Variants in CDKAL1 observed in about 807,000 individuals in gnomAD.
The protein encoded by CDKAL1 is threonylcarbamoyladenosine tRNA methylthiotransferase.
In CDKAL1, 32 loss-of-function variants were observed where a neutral mutation model predicts 68.2. The ratio of observed to expected loss-of-function variants is 0.47; its 90% CI spans 0.35 to 0.63. The LOEUF is 0.63. Among genes scored for constraint, CDKAL1 ranks in the 30% least tolerant of loss-of-function variants. The probability of loss-of-function intolerance (pLI) is 0.00; values close to 1 mark genes in which losing one functional copy is unlikely to be tolerated. For missense variants in CDKAL1, 606 were observed against 696.7 expected (o/e 0.87, Z 1.47); for synonymous variants, 234 against 244.3 (o/e 0.96, Z 0.39).
chr6:20,834,842 G>A (rs1777862998), intron 8 of CDKAL1, among the ~76,000 whole-genome samples: 2 of 152,124 alleles, frequency 1.3e-5, no homozygotes, highest in Non-Finnish European at 1.5e-5. Flanking sequence ...AGGACAGGAA[G>A]CAAAATAGAA....
intron 8 of CDKAL1, among the ~76,000 whole-genome samples, chr6:20,809,833 T>G (rs545376341): frequency 2.0e-5 from 3 of 152,346 alleles, no homozygotes; most frequent in Admixed American, 2.0e-4. Flanking sequence ...CTTAGCTGGT[T>G]TTTGTCTCTT....
intron 12 of CDKAL1, among the ~76,000 whole-genome samples, chr6:21,093,509 G>A (rs1056389547): frequency 6.6e-6 from 1 of 152,132 alleles, no homozygotes; most frequent in Non-Finnish European, 1.5e-5. Flanking sequence ...ATGTATCAGA[G>A]CTGGAGAATA....
intron 11 of CDKAL1, among the ~76,000 whole-genome samples, chr6:21,015,787 C>T (rs994128932): frequency 7.2e-5 from 11 of 151,780 alleles, no homozygotes; most frequent in Admixed American, 2.6e-4. Flanking sequence ...ATTAGCCAGG[C>T]GTGATGGTGC....
chr6:20,681,794 T>TCC (rs893716058), intron 5 of CDKAL1, among the ~76,000 whole-genome samples: 4 of 152,162 alleles, frequency 2.6e-5, no homozygotes, highest in Non-Finnish European at 4.4e-5. Context: ...CGATACTGCC[T>TCC]CCTTTCCCAT....
chr6:21,098,782 C>T (rs941469628), intron 12 of CDKAL1, among the ~76,000 whole-genome samples: 1 of 152,000 alleles, frequency 6.6e-6, no homozygotes, highest in African/African-American at 2.4e-5. Flanking sequence ...GAATTTAATA[C>T]ATGGAGATGG....
intron 8 of CDKAL1, among the ~76,000 whole-genome samples, chr6:20,840,261 T>C (rs980181608): frequency 1.3e-5 from 2 of 152,218 alleles, no homozygotes; most frequent in African/African-American, 2.4e-5. Context: ...AGCTGTCTTT[T>C]ACTATCACTG....
chr6:21,195,477 T>TTTTTA (rs1554194774), intron 13 of CDKAL1, among the ~76,000 whole-genome samples: 3 of 118,584 alleles, frequency 2.5e-5, no homozygotes, highest in East Asian at 2.4e-4. Context: ...GAGATGTTTT[T>TTTTTA]TTTATTTATT....
At chr6:20,702,103 G>A (rs367724260) in intron 5 of CDKAL1, among the ~76,000 whole-genome samples, 9 of 152,268 alleles carry the variant, frequency 5.9e-5, no homozygotes, top group Middle Eastern at 6.8e-3. Context: ...GCTGTTTGGT[G>A]TTTAAACTCT....
intron 13 of CDKAL1, among the ~76,000 whole-genome samples, chr6:21,187,613 C>T (rs926160245): frequency 6.6e-6 from 1 of 152,096 alleles, no homozygotes; most frequent in Non-Finnish European, 1.5e-5. Context: ...GGTGGTGTAG[C>T]TCACTGAGTT....
intron 9 of CDKAL1, among the ~76,000 whole-genome samples, chr6:20,948,340 C>A (rs1195472479): frequency 2.6e-5 from 4 of 152,030 alleles, no homozygotes; most frequent in East Asian, 1.9e-4. Flanking sequence ...CCTTTAGGAC[C>A]AAAACATTAG....
intron 11 of CDKAL1, among the ~76,000 whole-genome samples, chr6:21,026,819 CT>C (rs1768984397): frequency 6.6e-6 from 1 of 152,142 alleles, no homozygotes; most frequent in Non-Finnish European, 1.5e-5. Context: ...TTGTCTTTAT[CT>C]GTTATTGGAC....
In CDKAL1 at chr6:20,767,103, T is replaced by C. The variant is rs71563975; in HGVS notation, c.517+8460T>C. Among the ~76,000 whole-genome samples the C allele has an allele frequency of 2.5e-3, 382 of 152,266 alleles. 1 individual carries two copies. Among genetic ancestry groups the C allele is most frequent in the Middle Eastern group, 0.017 (5 of 294 alleles). The stretch of plus-strand genomic sequence containing the variant: ...TGCTACACTGCTTTTATACACTGCA[T>C]ATGTATCATGTGCTTTATTACGTGA... On this transcript the variant is annotated intron_variant, in intron 7 of 15. Coordinates refer to ENST00000274695, the MANE Select transcript of CDKAL1 (RefSeq NM_017774.3).
chr6:20,755,976 G>A (rs964261153), intron 6 of CDKAL1: 4 of 152,154 alleles, frequency 2.6e-5, no homozygotes, highest in South Asian at 2.1e-4. Context: ...GCAACAGGTG[G>A]GAATTTGCTT....
intron 8 of CDKAL1, among the ~76,000 whole-genome samples, chr6:20,818,711 T>C (rs1192486678): frequency 6.6e-6 from 1 of 150,392 alleles, no homozygotes; most frequent in Non-Finnish European, 1.5e-5. Context: ...ATTATAAATA[T>C]ATTTGTATAA....
chr6:20,700,355 CAAA>C (rs111802988), intron 5 of CDKAL1, among the ~76,000 whole-genome samples: 14,390 of 129,760 alleles, frequency 0.11, 1,327 homozygotes, highest in African/African-American at 0.27. Context: ...AACTCCATCT[CAAA>C]AAAAAAAAAA....
chr6:20,575,645 C>A (rs749185871), intron 4 of CDKAL1, among the ~76,000 whole-genome samples: 4 of 151,990 alleles, frequency 2.6e-5, no homozygotes, highest in Admixed American at 6.6e-5. Context: ...TTTTTGATTA[C>A]AGGGTTTCTA....
At chr6:20,980,039 C>T (rs960224838) in intron 10 of CDKAL1, among the ~76,000 whole-genome samples, 1 of 151,712 alleles carries the variant, frequency 6.6e-6, no homozygotes. Flanking sequence ...CCAAAGTGCT[C>T]GGATTACAGG....
intron 2 of CDKAL1, among the ~76,000 whole-genome samples, chr6:20,541,293 G>C (rs190443652): frequency 5.1e-4 from 77 of 152,320 alleles, no homozygotes; most frequent in African/African-American, 1.8e-3. Context: ...AGGCTCGCAT[G>C]ACTGGGCAGA....
chr6:20,571,142 A>C (rs1439784415), intron 4 of CDKAL1, among the ~76,000 whole-genome samples: 3 of 152,176 alleles, frequency 2.0e-5, no homozygotes, highest in African/African-American at 7.2e-5. Flanking sequence ...GGTGAAAGAG[A>C]GAATAAGAAA....
Sources: allele counts gnomAD v4.1 joint callset (sites outside exome capture counted in the v4.1 genomes callset), GRCh38; gene constraint gnomAD v4.1.1; transcripts MANE v1.5; gene names NCBI Gene and HGNC (gene_info 2026-07-23, HGNC 2026-07-21).